The following SELENON variants were observed in gnomAD, a reference collection of about 807,000 sequenced individuals.
SELENON encodes the protein selenoprotein N.
SELENON carries 44 observed loss-of-function variants against 59.5 expected under a neutral mutation model. That is an observed-to-expected ratio of 0.74 (90% CI 0.58 to 0.95). The LOEUF (loss-of-function observed/expected upper bound fraction) is 0.95. SELENON is among the 40% of genes least tolerant of loss of function. The probability of loss-of-function intolerance (pLI) is 0.00; values close to 1 mark genes in which losing one functional copy is unlikely to be tolerated. For missense variants in SELENON, 674 were observed against 721.4 expected (o/e 0.93, Z 0.75); for synonymous variants, 320 against 305.6 (o/e 1.05, Z -0.49).
At chr1:25,809,518 G>A (rs2047939699) in intron 6 of SELENON, among the ~76,000 whole-genome samples, 165 bp from the exon 6 acceptor site, 1 of 152,180 alleles carries the variant, frequency 6.6e-6, no homozygotes, top group South Asian at 2.1e-4. Context: ...TGTGACCCGG[G>A]CCTCGAAGGA....
At position 25,802,123 on chromosome 1, in the gene SELENON, TG is replaced by T; in HGVS notation, c.403+9del. On this transcript the variant is annotated splice_region_variant and intron_variant, in intron 3 of 12. Transcript: ENST00000361547. ...CTCCTGCCTCAGCCTCCTGAGTAAG[TG>T]GGACCACAGGCATGTGCTACCACGC... is the stretch of plus-strand genomic sequence containing the variant. 2 of 258,502 alleles carry T rather than the reference TG, an allele frequency of 7.7e-6. No individual in the cohort carries two copies. The highest frequency in any genetic ancestry group is 4.5e-5 in the Admixed American group (1 of 22,348). The allele number at this position is 258,502 out of a possible 1,614,324, so 16.0% of individuals were successfully genotyped here. A position where few individuals can be genotyped will look rare whatever the true frequency, so the allele number is the denominator to read the frequency against.
At chr1:25,815,495 G>A (rs1337695917) in intron 12 of SELENON, 53 bp from the exon 12 acceptor site, 1 of 1,501,694 alleles carries the variant, frequency 6.7e-7, no homozygotes, top group Non-Finnish European at 9.3e-7. Flanking sequence ...GAGGGCACAG[G>A]GAGCCTGGGG....
At chr1:25,802,988 G>C (rs1022541571) in intron 3 of SELENON, among the ~76,000 whole-genome samples, 4 of 152,220 alleles carry the variant, frequency 2.6e-5, no homozygotes, top group Non-Finnish European at 5.9e-5. Context: ...TATTGTGTAG[G>C]TTGGTTCCGT....
chr1:25,801,206 C>CGGTGTCTTCACTGAGCAGGAGCG, intron 2 of SELENON, 46 bp downstream of exon 2: 2 of 1,472,482 alleles, frequency 1.4e-6, no homozygotes, highest in Non-Finnish European at 1.9e-6. Flanking sequence ...CCTTGGCCAA[C>CGGTGTCTTCACTGAGCAGGAGCG]GGTGTCTTCA....
At position 25,805,210 on chromosome 1, in the gene SELENON, A is replaced by G. The variant is rs2047895777; in HGVS notation, c.472A>G (p.Ile158Val). ...TGACCCTAGCGAGGAGACGCTCACC[A>G]TAGAAGCCCGATTCCAGCCTCTGCT... Residue 158 changes from isoleucine to valine, a missense_variant, in exon 4 of 13, where the codon ATA becomes GTA. Ile to Val is a conservative substitution (Grantham distance 29). Coordinates refer to ENST00000361547, the MANE Select transcript of SELENON (RefSeq NM_020451.3). 2.5e-6 allele frequency: 4 copies of G among 1,614,192 alleles called. No homozygotes were observed. The highest frequency in any genetic ancestry group is 2.2e-5 in the East Asian group (1 of 44,888).
At chr1:25,811,641 G>A in intron 8 of SELENON, 50 bp from the exon 8 acceptor site, 1 of 1,608,228 alleles carries the variant, frequency 6.2e-7, no homozygotes, top group Non-Finnish European at 8.5e-7. Context: ...AGCCCCTGAG[G>A]ATTCTTGCCC....
At chr1:25,810,354 C>T (rs1248858621) in intron 7 of SELENON, among the ~76,000 whole-genome samples, 2 of 152,252 alleles carry the variant, frequency 1.3e-5, no homozygotes, top group Non-Finnish European at 2.9e-5. Flanking sequence ...ACACCAGCCA[C>T]CTGCTTGCCT....
Position 25,800,344 on chromosome 1 carries a change from GGCCGCCGCCGCT to G in SELENON, c.125_136del (p.Ala42_Ala45del), listed in dbSNP as rs999744359. On this transcript the variant is annotated inframe_deletion, in exon 1 of 13. Transcript: ENST00000361547. ...CCCTGGCGCTGCTCGGAGCCCTGCT[GGCCGCCGCCGCT>G]GCCGCCGCCGTCCGGGTCTGCGCCC... 53 of 1,025,596 alleles carry G rather than the reference GGCCGCCGCCGCT, an allele frequency of 5.2e-5. No homozygotes were observed. Among genetic ancestry groups the G allele is most frequent in the South Asian group, 8.6e-5 (2 of 23,162 alleles). The allele number at this position is 1,025,596 out of a possible 1,614,324, so 63.5% of individuals were successfully genotyped here.
intron 5 of SELENON, 95 bp from the exon 5 acceptor site, chr1:25,808,931 G>T: frequency 1.9e-6 from 3 of 1,602,786 alleles, no homozygotes; most frequent in Non-Finnish European, 2.6e-6. Context: ...TCCCCATGGG[G>T]CCCCTGGGCC....
At chr1:25,808,871 G>A in intron 5 of SELENON, 82 bp downstream of exon 4, 2 of 1,585,262 alleles carry the variant, frequency 1.3e-6, no homozygotes, top group Admixed American at 3.3e-5. Context: ...CTGGACCCCA[G>A]TGCCAGGCCT....
rs2047895116 is a variant in SELENON at position 25,805,162 on chromosome 1, T to C, written c.424T>C (p.Cys142Arg). The C allele has an allele frequency of 2.5e-6, 4 of 1,613,464 alleles. No individual in the cohort carries two copies. In the South Asian group the frequency reaches 3.3e-5, roughly 13 times the overall value. Residue 142 changes from cysteine to arginine, a missense_variant, in exon 4 of 13, where the codon TGC becomes CGC. Coordinates refer to ENST00000361547, the MANE Select transcript of SELENON (RefSeq NM_020451.3). ...CATAGGGTCAACTCCCGCGGCCAGC[T>C]GCGAGGAGGAGGAGTTGCCCCCTGA...
In SELENON at chr1:25,800,279, G is replaced by A. The variant is rs1458142231; in HGVS notation, c.49G>A (p.Ala17Thr). 11 of 982,666 alleles carry A rather than the reference G, an allele frequency of 1.1e-5. No homozygotes were observed. Among genetic ancestry groups the A allele is most frequent in the Non-Finnish European group, 1.3e-5 (11 of 827,730 alleles). 60.9% of individuals were successfully genotyped at this position (982,666 alleles called of 1,614,324 possible). A position where few individuals can be genotyped will look rare whatever the true frequency, so the allele number is the denominator to read the frequency against. Reference sequence around the variant, plus strand: ...ACGCGGGCCGCCCAGCCCCGGCCCCGCCGCGCAGCCTCCCGCGCCACCGCG... The same window carrying A: ...ACGCGGGCCGCCCAGCCCCGGCCCCACCGCGCAGCCTCCCGCGCCACCGCG... Residue 17 changes from alanine (A) to threonine (T), a missense_variant, in exon 1 of 13, where the codon GCC becomes ACC. Transcript: ENST00000361547.
Position 25,808,435 on chromosome 1 carries a change from C to T in SELENON, c.538-145C>T, listed in dbSNP as rs4659382. 5.7e-6 allele frequency: 5 copies of T among 873,780 alleles called. No homozygotes were observed. The Admixed American group carries it at 6.0e-5, about 10-fold the overall frequency. The allele number at this position is 873,780 out of a possible 1,614,324, so 54.1% of individuals were successfully genotyped here. A position where few individuals can be genotyped will look rare whatever the true frequency, so the allele number is the denominator to read the frequency against. ...GGGATATTGCTAAGCTTGTGGCCAT[C>T]ATAAGGGCAGGAACCTCCCTGGGGT... On this transcript the variant is annotated intron_variant, in intron 4 of 12. Transcript: ENST00000361547.
intron 4 of SELENON, among the ~76,000 whole-genome samples, 175 bp from the exon 4 acceptor site, chr1:25,808,405 C>G (rs183021256): frequency 2.0e-4 from 31 of 152,264 alleles, no homozygotes; most frequent in Admixed American, 1.6e-3. Context: ...GAGCCTCTCT[C>G]TGGCGGGATA....
rs78506109 is a variant in SELENON at position 25,809,033 on chromosome 1, T to G, written c.755T>G (p.Ile252Ser). 6.2e-7 allele frequency: 1 copy of G among 1,613,688 alleles called. No homozygotes were observed. The highest frequency in any genetic ancestry group is 1.1e-5 in the South Asian group (1 of 91,082). The stretch of plus-strand genomic sequence containing the variant: ...GCCTCCCGCCGCCCCCAGGTCATCA[T>G]CCACCGGCTCCTGAGCATGTTCCAC... Residue 252 changes from isoleucine (I) to serine (S), a missense_variant, in exon 6 of 13, where the codon ATC (isoleucine) becomes AGC (serine). Ile to Ser is a moderately radical substitution (Grantham distance 142). Transcript: ENST00000361547.
In SELENON at chr1:25,800,337, C is replaced by A; in HGVS notation, c.107C>A (p.Ala36Asp). 4.9e-6 allele frequency: 5 copies of A among 1,014,100 alleles called. No homozygotes were observed. The highest frequency in any genetic ancestry group is 5.9e-6 in the Non-Finnish European group (5 of 850,352). 62.8% of individuals were successfully genotyped at this position (1,014,100 alleles called of 1,614,324 possible). Reference sequence around the variant, plus strand: ...GCCCGTTCCCTGGCGCTGCTCGGAGCCCTGCTGGCCGCCGCCGCTGCCGCC... The same window carrying A: ...GCCCGTTCCCTGGCGCTGCTCGGAGACCTGCTGGCCGCCGCCGCTGCCGCC... Residue 36 changes from alanine (A) to aspartate (D), a missense_variant, in exon 1 of 13, where the codon GCC (alanine) becomes GAC (aspartate). By Grantham distance (126) the Ala-to-Asp change is moderately radical (BLOSUM62 -2). Coordinates refer to ENST00000361547, the MANE Select transcript of SELENON (RefSeq NM_020451.3).
intron 4 of SELENON, among the ~76,000 whole-genome samples, chr1:25,806,965 G>T (rs1296754154): frequency 1.3e-5 from 2 of 151,986 alleles, no homozygotes; most frequent in African/African-American, 2.4e-5. Context: ...GGGACTACAG[G>T]TGCCCACCAC....
Position 25,815,552 on chromosome 1 carries a change from A to G in SELENON, c.1607A>G (p.His536Arg), listed in dbSNP as rs758653293. 40 of 1,614,074 alleles carry G rather than the reference A, an allele frequency of 2.5e-5. No individual in the cohort carries two copies. Among genetic ancestry groups the G allele is most frequent in the Non-Finnish European group, 3.1e-5 (37 of 1,179,952 alleles). ...CTCACCCGGCCCTTCTCCCAGGTCC[A>G]TCACATCAATGCCAACTACTTCTTG... The change falls in exon 13 of 13, where the codon CAT becomes CGT. Residue 536 changes from histidine to arginine, a missense_variant. Coordinates refer to ENST00000361547, the MANE Select transcript of SELENON (RefSeq NM_020451.3).
In SELENON at chr1:25,807,657, G is replaced by A. The variant is rs952700285; in HGVS notation, c.538-923G>A. Among the ~76,000 whole-genome samples the A allele has an allele frequency of 2.6e-5, 4 of 152,132 alleles. No individual in the cohort carries two copies. The highest frequency in any genetic ancestry group is 7.2e-5 in the African/African-American group (3 of 41,412). On this transcript the variant is annotated intron_variant, in intron 4 of 12. Transcript: ENST00000361547. The surrounding 1 kb of genome is among the most constrained non-coding windows in gnomAD (Gnocchi z 4.5). ...CAGGAAGGCGGGCTCGGCCTGGCCCGGCACAGCCAGCTCTGCCTTGAGAAC... is the reference window on the plus strand; with the variant it reads ...CAGGAAGGCGGGCTCGGCCTGGCCCAGCACAGCCAGCTCTGCCTTGAGAAC...
Sources: allele counts gnomAD v4.1 joint callset (sites outside exome capture counted in the v4.1 genomes callset), GRCh38; gene constraint gnomAD v4.1.1; non-coding constraint Gnocchi (gnomAD v3.1); transcripts MANE v1.5; gene names NCBI Gene and HGNC (gene_info 2026-07-23, HGNC 2026-07-21).